The following ADCY4 variants were observed in gnomAD, a reference collection of about 807,000 sequenced individuals.
The protein encoded by ADCY4 is adenylate cyclase 4.
A neutral mutation model predicts 125.5 loss-of-function variants in ADCY4; 111 were observed. The ratio of observed to expected loss-of-function variants is 0.88; its 90% confidence interval spans 0.76 to 1.04. The LOEUF (loss-of-function observed/expected upper bound fraction) is 1.04, where lower values mean the gene tolerates loss of function less well. Ranked by LOEUF, ADCY4 falls within the 50% of genes least tolerant of loss-of-function variation. ADCY4 has a pLI of 0.00. For synonymous variants in ADCY4, 576 were observed against 586.9 expected (o/e 0.98, Z 0.27); for missense variants, 1,256 against 1,382.9 (o/e 0.91, Z 1.46).
chr14:24,321,762 G>A (rs1445486992), intron 20 of ADCY4: 68 of 1,083,516 alleles, frequency 6.3e-5, no homozygotes, highest in Non-Finnish European at 7.3e-5. Flanking sequence ...ACTAGTATCA[G>A]TCTGCGGCCT....
chr14:24,321,916 G>A (rs1431510288), intron 20 of ADCY4, 150 bp downstream of exon 20: 18 of 1,397,836 alleles, frequency 1.3e-5, no homozygotes, highest in Non-Finnish European at 1.3e-5. Flanking sequence ...AAGAATCTAA[G>A]ATGTTGTGAA....
chr14:24,319,714 G>C lies in ADCY4; in HGVS notation c.2733+28C>G. ...GGAAAATTCTAGAATCTAGGACATA[G>C]GGTCTGGGAGACTCTTGGAATTTTC... On this transcript the variant is annotated intron_variant, in intron 21 of 24. Transcript: ENST00000418030. The surrounding 1 kb of genome is among the most constrained non-coding windows in gnomAD (Gnocchi z 4.5). The C allele has an allele frequency of 6.2e-7, 1 of 1,613,720 alleles. No individual in the cohort carries two copies. Among genetic ancestry groups the C allele is most frequent in the South Asian group, 1.1e-5 (1 of 91,044 alleles).
rs201187246 is a variant in ADCY4 at position 24,322,780 on chromosome 14, C to T, written c.2343-72G>A. 9.4e-5 allele frequency: 147 copies of T among 1,559,114 alleles called. No homozygotes were observed. In the East Asian group the frequency reaches 3.2e-3, roughly 34 times the overall value. The stretch of plus-strand genomic sequence containing the variant: ...GGCCTTCTCCCTGCCCCCATGTAGG[C>T]CTCCGCTTCCCTCCCACTTTGCCCT... On this transcript the variant is annotated intron_variant, in intron 18 of 24. Coordinates refer to ENST00000418030, the MANE Select transcript of ADCY4 (RefSeq NM_001198568.2).
chr14:24,324,826 C>T (rs894980736), intron 14 of ADCY4, among the ~76,000 whole-genome samples: 2 of 152,122 alleles, frequency 1.3e-5, no homozygotes, highest in African/African-American at 2.4e-5. Flanking sequence ...GCCTCAGCCT[C>T]CCGAGTAGCT....
At position 24,334,769 on chromosome 14, in the gene ADCY4, G is replaced by T; in HGVS notation, c.-117C>A. 3.6e-6 allele frequency: 3 copies of T among 822,830 alleles called. No homozygotes were observed. The highest frequency in any genetic ancestry group is 5.4e-6 in the Non-Finnish European group (3 of 551,084). The allele number at this position is 822,830 out of a possible 1,614,324, so 51.0% of individuals were successfully genotyped here. A position where few individuals can be genotyped will look rare whatever the true frequency, so the allele number is the denominator to read the frequency against. On this transcript the variant is annotated 5_prime_UTR_variant, in exon 1 of 25. Coordinates refer to ENST00000418030, the MANE Select transcript of ADCY4 (RefSeq NM_001198568.2). ...CCGCTCAAAGCCGCTACCACCCCGC[G>T]CCCCCAACCTCGTGGCAATCCCGTC...
At chr14:24,333,664 A>T (rs1487055641) in intron 1 of ADCY4, among the ~76,000 whole-genome samples, 1 of 152,210 alleles carries the variant, frequency 6.6e-6, no homozygotes, top group African/African-American at 2.4e-5. Flanking sequence ...TGAAAGATAG[A>T]TCCAAGCTCA....
rs138793347 is a variant in ADCY4, at chr14:24,322,704, C to T, written c.2347G>A (p.Gly783Arg). ...LYLGPLDSRP[G>R]VLKEPKLMGA... ...ATCAGTTTGGGCTCCTTCAGCACTC[C>T]GGGCCTGAAGGGGCCATGGATCAGG... is the stretch of plus-strand genomic sequence containing the variant. Residue 783 changes from glycine to arginine, a missense_variant, in exon 19 of 25, where the codon GGA becomes AGA. Coordinates refer to ENST00000418030, the MANE Select transcript of ADCY4 (RefSeq NM_001198568.2). The T allele has an allele frequency of 1.4e-4, 231 of 1,613,904 alleles. No homozygotes were observed. Among genetic ancestry groups the T allele is most frequent in the Admixed American group, 3.0e-4 (18 of 59,994 alleles).
At chr14:24,328,036 G>A (rs1295855312) in intron 10 of ADCY4, among the ~76,000 whole-genome samples, 6 of 152,158 alleles carry the variant, frequency 3.9e-5, no homozygotes, top group East Asian at 1.9e-4. Context: ...GAGCTGAGGG[G>A]ACATAGTGAG....
At chr14:24,323,753 G>C in intron 16 of ADCY4, 1 of 716,108 alleles carries the variant, frequency 1.4e-6, no homozygotes. Flanking sequence ...GTGATTCCCA[G>C]GTGCCCACCA....
chr14:24,332,112 G>T (rs948905679), intron 3 of ADCY4, 175 bp from the exon 4 acceptor site: 7 of 752,882 alleles, frequency 9.3e-6, no homozygotes, highest in African/African-American at 3.6e-5. Flanking sequence ...CTTCCCAGAT[G>T]CTCCCTCCTC....
At chr14:24,325,571 C>T in intron 13 of ADCY4, 97 bp from the exon 14 acceptor site, 2 of 1,120,612 alleles carry the variant, frequency 1.8e-6, no homozygotes, top group Non-Finnish European at 2.6e-6. Context: ...CTCAGCCTCA[C>T]CGCCCAGGCT....
intron 9 of ADCY4, 82 bp downstream of exon 9, chr14:24,329,319 C>T (rs1475032009): frequency 6.3e-7 from 1 of 1,575,724 alleles, no homozygotes; most frequent in Non-Finnish European, 8.6e-7. Flanking sequence ...GGAACTCAAT[C>T]TCTGGCACAG....
Position 24,318,466 on chromosome 14 carries a change from G to C in ADCY4, c.3184C>G (p.Leu1062Val). ...KGKGQLCTYF[L>V]NTDLTRTGPP... ...CCAGTTCGTGTCAAGTCTGTGTTCAGGAAGTAGGTGCAGAGCTGCCCTTTG... is the reference window on the plus strand; with the variant it reads ...CCAGTTCGTGTCAAGTCTGTGTTCACGAAGTAGGTGCAGAGCTGCCCTTTG... The change falls in exon 25 of 25, where the codon CTG becomes GTG. Residue 1062 changes from leucine (L) to valine (V), a missense_variant. Leu to Val is a conservative substitution (Grantham distance 32, BLOSUM62 1). Transcript: ENST00000418030. 1 of 1,614,216 alleles carries C rather than the reference G, an allele frequency of 6.2e-7. No individual in the cohort carries two copies. The highest frequency in any genetic ancestry group is 1.1e-5 in the South Asian group (1 of 91,084).
intron 6 of ADCY4, 181 bp from the exon 7 acceptor site, chr14:24,330,476 T>C: frequency 1.2e-6 from 1 of 806,634 alleles, no homozygotes; most frequent in Non-Finnish European, 1.9e-6. Flanking sequence ...TTCATACAGA[T>C]CTCTTTCTCA....
Position 24,322,209 on chromosome 14 carries a change from G to A in ADCY4, c.2443C>T (p.Arg815Cys), listed in dbSNP as rs750532685. ...VLARQNEYYC[R>C]LDFLWKKKLR... is the part of the protein sequence containing the mutation. ...TTCTTCTTCCACAGGAAGTCCAGGCGGCAGTAGTACTCATTCTGGGGAGGG... is the reference window on the plus strand; with the variant it reads ...TTCTTCTTCCACAGGAAGTCCAGGCAGCAGTAGTACTCATTCTGGGGAGGG... The change falls in exon 20 of 25, where the codon CGC (arginine) becomes TGC (cysteine). Residue 815 changes from arginine (R) to cysteine (C), a missense_variant. Arg to Cys is a radical substitution (Grantham distance 180, BLOSUM62 -3). Coordinates refer to ENST00000418030, the MANE Select transcript of ADCY4 (RefSeq NM_001198568.2). 3.7e-6 allele frequency: 6 copies of A among 1,613,596 alleles called. No homozygotes were observed. In the Admixed American group the frequency reaches 5.0e-5, roughly 13 times the overall value.
At position 24,332,635 on chromosome 14, in the gene ADCY4, A is replaced by G. The variant is rs527705213; in HGVS notation, c.406T>C (p.Leu136=). The G allele has an allele frequency of 3.2e-6, 5 of 1,586,092 alleles. No homozygotes were observed. The Admixed American group carries it at 7.2e-5, about 23-fold the overall frequency. The change falls in exon 3 of 25, where the codon TTG becomes CTG. Residue 136 remains leucine (L), a synonymous_variant. Transcript: ENST00000418030. ...GCGACGGCGGCGTCCCGCATGCCCA[A>G]GGGCAGCATGGCATACGCCGTGAAG... is the stretch of plus-strand genomic sequence containing the variant. The part of the protein sequence containing the change: ...VIFTAYAMLP[L]GMRDAAVAGL...
chr14:24,332,528 C>T lies in ADCY4; in HGVS notation c.513G>A (p.Leu171=), dbSNP rs750078076. ...GPQPDSRPAL[L]PQLAANAVLF... ...GTGCTACTTGCGTGCTCACCTGCGG[C>T]AGCAGTGCAGGCCGTGAGTCCGGCT... Residue 171 remains leucine, a synonymous_variant, in exon 3 of 25, where the codon CTG becomes CTA. Coordinates refer to ENST00000418030, the MANE Select transcript of ADCY4 (RefSeq NM_001198568.2). 1.9e-6 allele frequency: 3 copies of T among 1,565,984 alleles called. No homozygotes were observed. Among genetic ancestry groups the T allele is most frequent in the Non-Finnish European group, 2.6e-6 (3 of 1,155,516 alleles).
Position 24,324,114 on chromosome 14 carries a change from G to T in ADCY4, c.1994C>A (p.Ala665Asp). The change falls in exon 16 of 25, where the codon GCC becomes GAC. Residue 665 changes from alanine to aspartate, a missense_variant. Coordinates refer to ENST00000418030, the MANE Select transcript of ADCY4 (RefSeq NM_001198568.2). ...AAGGAGGATGGTGGCGGTGCCCAAG[G>T]CTATTCTCAGTCCTGGTCGTGTGGC... is the stretch of plus-strand genomic sequence containing the variant. Reference protein sequence around the residue: ...LVATRPGLRIALGTATILLVF... With the variant: ...LVATRPGLRIDLGTATILLVF... 1 of 1,614,216 alleles carries T rather than the reference G, an allele frequency of 6.2e-7. No individual in the cohort carries two copies. The highest frequency in any genetic ancestry group is 8.5e-7 in the Non-Finnish European group (1 of 1,180,030).
chr14:24,319,298 G>A lies in ADCY4; in HGVS notation c.2841+31C>T, dbSNP rs777375448. ...TAAGCCCATCAATGAGAGCCCAGAG[G>A]AGGATGGTAGGTAAGGAAGGGTTGC... is the stretch of plus-strand genomic sequence containing the variant. On this transcript the variant is annotated intron_variant, in intron 22 of 24. Transcript: ENST00000418030. This position sits in a 1 kb window ranked among gnomAD's most constrained non-coding sequence, Gnocchi z 4.5. 1.2e-5 allele frequency: 19 copies of A among 1,612,764 alleles called. No homozygotes were observed. Among genetic ancestry groups the A allele is most frequent in the Non-Finnish European group, 1.6e-5 (19 of 1,178,898 alleles).
Sources: allele counts gnomAD v4.1 joint callset (sites outside exome capture counted in the v4.1 genomes callset), GRCh38; gene constraint gnomAD v4.1.1; non-coding constraint Gnocchi (gnomAD v3.1); transcripts MANE v1.5; gene names NCBI Gene and HGNC (gene_info 2026-07-23, HGNC 2026-07-21).